EPG5: variants seen among roughly 807,000 people sequenced by gnomAD.
EPG5 encodes ectopic P-granules 5 autophagy tethering factor.
Under a neutral mutation model 302.7 loss-of-function variants are expected in EPG5, and 159 were observed. The ratio of observed to expected loss-of-function variants is 0.53; its 90% CI spans 0.46 to 0.60. The LOEUF is 0.60. EPG5 is among the 20% of genes least tolerant of loss of function. The probability of loss-of-function intolerance (pLI) is 0.00; values close to 1 mark genes in which losing one functional copy is unlikely to be tolerated. For synonymous variants in EPG5, 1,158 were observed against 1,136.8 expected, an observed-to-expected ratio of 1.02 and a Z score of -0.37; for missense variants, 2,896 against 3,092.4, an observed-to-expected ratio of 0.94 and a Z score of 1.51.
chr18:45,873,031 T>A (rs2048903552), intron 35 of EPG5, among the ~76,000 whole-genome samples: 1 of 152,252 alleles, frequency 6.6e-6, no homozygotes, highest in Non-Finnish European at 1.5e-5. Flanking sequence ...AAGGAGCTAG[T>A]GGATCAGATA....
rs535424279 is a variant in EPG5 at position 45,912,498 on chromosome 18, T to C, written c.3817-42A>G. ...GCTTTGAGTAGCCACAAAATGAACA[T>C]AAATGCAAACGGTTAACTCTTTCTA... On this transcript the variant is annotated intron_variant, in intron 21 of 43. Transcript: ENST00000282041. 1.9e-4 allele frequency: 294 copies of C among 1,559,452 alleles called. 4 individuals carry two copies. In the South Asian group the frequency reaches 3.1e-3, roughly 16 times the overall value.
chr18:45,857,772 TG>T (rs1463385455), intron 42 of EPG5, 80 bp downstream of exon 42: 4 of 1,103,544 alleles, frequency 3.6e-6, no homozygotes, highest in Non-Finnish European at 5.4e-6. Context: ...AAAAACCTAC[TG>T]AAGTATATCA....
intron 33 of EPG5, among the ~76,000 whole-genome samples, chr18:45,878,774 C>T (rs1232365207): frequency 6.6e-6 from 1 of 152,076 alleles, no homozygotes; most frequent in Non-Finnish European, 1.5e-5. Context: ...CTCTCTGTAC[C>T]CCAACCTGCA....
chr18:45,818,887 C>T, the EPG5 span, among the ~76,000 whole-genome samples: 1 of 151,906 alleles, frequency 6.6e-6, no homozygotes, highest in Non-Finnish European at 1.5e-5. Flanking sequence ...GCACCCTGCA[C>T]CACACCCAGC....
At chr18:45,887,221 T>C (rs1456220566) in intron 29 of EPG5, among the ~76,000 whole-genome samples, 1 of 152,116 alleles carries the variant, frequency 6.6e-6, no homozygotes, top group Non-Finnish European at 1.5e-5. Context: ...AATAAATAAA[T>C]AAACAAACAA....
intron 1 of EPG5, among the ~76,000 whole-genome samples, chr18:45,966,046 G>A (rs2051246123): frequency 6.6e-6 from 1 of 151,072 alleles, no homozygotes. Context: ...GGACGACAGA[G>A]CGAGACTCCA....
chr18:45,867,027 T>G lies in EPG5; in HGVS notation c.6412-20A>C. 1 of 1,596,716 alleles carries G rather than the reference T, an allele frequency of 6.3e-7. No individual in the cohort carries two copies. Among genetic ancestry groups the G allele is most frequent in the Non-Finnish European group, 8.6e-7 (1 of 1,164,984 alleles). Reference sequence around the variant, plus strand: ...TGAATCCTAAAAATAAAACACATATTCCTTTAGTTCCAGAGCCCCAATTTT... The same window carrying G: ...TGAATCCTAAAAATAAAACACATATGCCTTTAGTTCCAGAGCCCCAATTTT... On this transcript the variant is annotated intron_variant, in intron 37 of 43. Transcript: ENST00000282041.
At chr18:45,890,995 A>C (rs1018184097) in intron 27 of EPG5, among the ~76,000 whole-genome samples, 2 of 152,178 alleles carry the variant, frequency 1.3e-5, no homozygotes, top group African/African-American at 4.8e-5. Flanking sequence ...TAAACTCTAC[A>C]TTCTCCTCCT....
At chr18:45,839,126 A>G in the EPG5 span, 1 of 1,360,784 alleles carries the variant, frequency 7.3e-7, no homozygotes, top group South Asian at 1.8e-5. Context: ...GGTGGCCGCG[A>G]GGGGCCGGGC....
Position 45,852,132 on chromosome 18 carries a change from A to G in EPG5, c.*335T>C, listed in dbSNP as rs1450424422. The G allele has an allele frequency of 1.6e-5, 3 of 189,084 alleles. No homozygotes were observed. Among genetic ancestry groups the G allele is most frequent in the Non-Finnish European group, 3.2e-5 (3 of 92,720 alleles). The allele number at this position is 189,084 out of a possible 1,614,324, so 11.7% of individuals were successfully genotyped here. A position where few individuals can be genotyped will look rare whatever the true frequency, so the allele number is the denominator to read the frequency against. On this transcript the variant is annotated 3_prime_UTR_variant, in exon 44 of 44. Coordinates refer to ENST00000282041, the MANE Select transcript of EPG5 (RefSeq NM_020964.3). ...AAAACAGAGACAGAAGTGGAAACAT[A>G]CAAAGAACTCCATCTGGAGGTCTTG...
chr18:45,838,856 G>A, the EPG5 span: 1 of 1,578,204 alleles, frequency 6.3e-7, no homozygotes, highest in South Asian at 1.1e-5. Flanking sequence ...GCAGCCGTGC[G>A]GAGCCCGCGT....
intron 5 of EPG5, 73 bp downstream of exon 5, chr18:45,949,411 C>A: frequency 1.3e-6 from 1 of 780,604 alleles, no homozygotes; most frequent in South Asian, 2.1e-5. Flanking sequence ...TTTTTTTCAG[C>A]AATTTCTTCA....
chr18:45,879,331 A>G (rs1328498289), intron 32 of EPG5, 117 bp from the exon 33 acceptor site: 3 of 677,540 alleles, frequency 4.4e-6, no homozygotes, highest in Non-Finnish European at 7.4e-6. Flanking sequence ...AGAGTGGCAA[A>G]AATATAAAGC....
At chr18:45,828,510 C>T in the EPG5 span, among the ~76,000 whole-genome samples, 1 of 152,178 alleles carries the variant, frequency 6.6e-6, no homozygotes, top group Admixed American at 6.5e-5. Context: ...TGGACAAGGC[C>T]TCAGGTGGTC....
intron 25 of EPG5, among the ~76,000 whole-genome samples, chr18:45,901,931 C>T (rs967456781): frequency 1.3e-5 from 2 of 152,156 alleles, no homozygotes; most frequent in African/African-American, 4.8e-5. Context: ...AGATTCCTAT[C>T]TTCCCTCCCT....
In EPG5 at chr18:45,867,741, C is replaced by T; in HGVS notation, c.6233G>A (p.Arg2078Gln). The change falls in exon 37 of 44, where the codon CGA becomes CAA. Residue 2078 changes from arginine (R) to glutamine (Q), a missense_variant. Transcript: ENST00000282041. ...MLMEAFFKVE[R>Q]GSPKSCFLFL... ...TAAGAAACAGCTCTTGGGGCTTCCT[C>T]GTTCCACCTAAAAGAAAATGAATTA... 1 of 1,595,436 alleles carries T rather than the reference C, an allele frequency of 6.3e-7. No individual in the cohort carries two copies.
intron 16 of EPG5, among the ~76,000 whole-genome samples, chr18:45,919,259 C>T (rs917284231): frequency 6.6e-6 from 1 of 152,096 alleles, no homozygotes; most frequent in Non-Finnish European, 1.5e-5. Flanking sequence ...ATCCCAAATG[C>T]CCACCATGGA....
chr18:45,833,906 A>G, the EPG5 span, among the ~76,000 whole-genome samples: 1 of 150,496 alleles, frequency 6.6e-6, no homozygotes, highest in South Asian at 2.1e-4. Context: ...CAAGATAAGT[A>G]AAGGAAATAT....
At chr18:45,882,861 G>A (rs2049127389) in intron 30 of EPG5, among the ~76,000 whole-genome samples, 1 of 151,798 alleles carries the variant, frequency 6.6e-6, no homozygotes, top group Admixed American at 6.6e-5. Flanking sequence ...TACAAAATTA[G>A]CCAGGCATGG....
Sources: allele counts gnomAD v4.1 joint callset (sites outside exome capture counted in the v4.1 genomes callset), GRCh38; gene constraint gnomAD v4.1.1; transcripts MANE v1.5; gene names NCBI Gene and HGNC (gene_info 2026-07-23, HGNC 2026-07-21).